The following DRGX variants were observed in gnomAD, a reference collection of about 807,000 sequenced individuals.
DRGX encodes the protein dorsal root ganglia homeobox.
In DRGX, 21 loss-of-function variants were observed where a neutral mutation model predicts 28.6. That is an observed-to-expected ratio of 0.73 (90% CI 0.52 to 1.06). The LOEUF is 1.06. Ranked by LOEUF, DRGX falls within the 50% of genes least tolerant of loss-of-function variation. The probability of loss-of-function intolerance (pLI) is 0.00; values close to 1 mark genes in which losing one functional copy is unlikely to be tolerated. For missense variants in DRGX, 354 were observed against 343.9 expected, an observed-to-expected ratio of 1.03 and a Z score of -0.23; for synonymous variants, 136 against 139.1, an observed-to-expected ratio of 0.98 and a Z score of 0.16.
At position 49,366,144 on chromosome 10, in the gene DRGX, T is replaced by A; in HGVS notation, c.764A>T (p.Glu255Val). 1 of 1,607,630 alleles carries A rather than the reference T, an allele frequency of 6.2e-7. No individual in the cohort carries two copies. The highest frequency in any genetic ancestry group is 8.5e-7 in the Non-Finnish European group (1 of 1,176,282). ...GSQEKTSPTK[E>V]QSEAEKSV ...TACACTCTTCTCTGCCTCGCTCTGT[T>A]CCTTGGTGGGAGAGGTCTTTTCCTG... is the stretch of plus-strand genomic sequence containing the variant. The change falls in exon 7 of 7, where the codon GAA becomes GTA. Residue 255 changes from glutamate to valine, a missense_variant. By Grantham distance (121) the Glu-to-Val change is moderately radical. Transcript: ENST00000374139.
chr10:49,378,349 T>A lies in DRGX; in HGVS notation c.526+8129A>T, dbSNP rs190556236. On this transcript the variant is annotated intron_variant, in intron 6 of 6. Transcript: ENST00000374139. ...GTCACACACACCACATATTGCACGA[T>A]TCCATTCACATGAGATGTCCACAGT... is the stretch of plus-strand genomic sequence containing the variant. 1.0e-3 allele frequency among the ~76,000 whole-genome samples: 155 copies of A among 152,304 alleles called. 1 individual carries two copies. Among genetic ancestry groups the A allele is most frequent in the African/African-American group, 3.5e-3 (144 of 41,572 alleles).
chr10:49,389,177 T>C (rs1169731227), intron 4 of DRGX, among the ~76,000 whole-genome samples: 1 of 152,180 alleles, frequency 6.6e-6, no homozygotes, highest in Non-Finnish European at 1.5e-5. Context: ...ATGTTCAGAT[T>C]TAATAATCAG....
chr10:49,382,258 G>A (rs941419350), intron 6 of DRGX, among the ~76,000 whole-genome samples: 6 of 152,300 alleles, frequency 3.9e-5, no homozygotes, highest in Non-Finnish European at 7.4e-5. Flanking sequence ...TCCCAAGGGG[G>A]AGACCCACCA....
Position 49,366,829 on chromosome 10 carries a change from A to G in DRGX, c.527-448T>C, listed in dbSNP as rs118057142. Among the ~76,000 whole-genome samples the G allele has an allele frequency of 1.7e-3, 252 of 152,370 alleles. 6 individuals carry two copies. The East Asian group carries it at 0.046, about 28-fold the overall frequency. On this transcript the variant is annotated intron_variant, in intron 6 of 6. Transcript: ENST00000374139. Reference sequence around the variant, plus strand: ...GGAAGGAAACCCAGCCACACATGTCAGGTGCCGGGCAAGCTGCTGGCTGCA... The same window carrying G: ...GGAAGGAAACCCAGCCACACATGTCGGGTGCCGGGCAAGCTGCTGGCTGCA...
At position 49,388,524 on chromosome 10, in the gene DRGX, T is replaced by C. The variant is rs1590370053; in HGVS notation, c.234+1609A>G. ...GCACATATCAGCAACCATTGAATAA[T>C]GATTTTATCTATATTCTAAATTTAG... is the stretch of plus-strand genomic sequence containing the variant. On this transcript the variant is annotated intron_variant, in intron 4 of 6. Coordinates refer to ENST00000374139, the MANE Select transcript of DRGX (RefSeq NM_001276451.2). Among the ~76,000 whole-genome samples the C allele has an allele frequency of 2.0e-5, 3 of 152,390 alleles. No individual in the cohort carries two copies. The Middle Eastern group carries it at 0.01, about 518-fold the overall frequency.
At chr10:49,385,372 A>G (rs1238222337) in intron 6 of DRGX, among the ~76,000 whole-genome samples, 1 of 152,110 alleles carries the variant, frequency 6.6e-6, no homozygotes, top group East Asian at 1.9e-4. Context: ...AGGGCCATCA[A>G]GCTCTGGCCC....
chr10:49,391,290 C>T (rs1849901814), intron 2 of DRGX, 29 bp from the exon 3 acceptor site: 2 of 1,597,756 alleles, frequency 1.3e-6, no homozygotes, highest in Admixed American at 1.7e-5. Flanking sequence ...TCAACCTGGG[C>T]AGGAAGGGGC....
rs1285611643 is a variant in DRGX, at chr10:49,364,594, C to G, written c.*1522G>C. On this transcript the variant is annotated 3_prime_UTR_variant, in exon 7 of 7. Transcript: ENST00000374139. ...ATTCGTAATTACAGGGAAACGGAAGCAACTTTGCCGCTTTTTGGCAAATCG... is the reference window on the plus strand; with the variant it reads ...ATTCGTAATTACAGGGAAACGGAAGGAACTTTGCCGCTTTTTGGCAAATCG... The G allele has an allele frequency of 1.3e-5, 2 of 152,196 alleles. No homozygotes were observed. Among genetic ancestry groups the G allele is most frequent in the Admixed American group, 1.3e-4 (2 of 15,284 alleles). 9.4% of individuals were successfully genotyped at this position (152,196 alleles called of 1,614,324 possible).
intron 4 of DRGX, among the ~76,000 whole-genome samples, chr10:49,387,937 G>A (rs1191523619): frequency 6.6e-6 from 1 of 152,168 alleles, no homozygotes; most frequent in Admixed American, 6.5e-5. Context: ...AACTGTTTGG[G>A]GGTAATAACT....
At chr10:49,371,721 G>T (rs541721113) in intron 6 of DRGX, among the ~76,000 whole-genome samples, 1 of 150,758 alleles carries the variant, frequency 6.6e-6, no homozygotes, top group Admixed American at 6.6e-5. Flanking sequence ...GAACCCGGGA[G>T]GTGGAGGTTG....
chr10:49,380,902 C>T (rs1472589345), intron 6 of DRGX, among the ~76,000 whole-genome samples: 3 of 152,190 alleles, frequency 2.0e-5, no homozygotes, highest in Admixed American at 1.3e-4. Context: ...TGTCGCTTCC[C>T]ACATGCTACC....
chr10:49,369,910 T>C (rs79785176), intron 6 of DRGX, among the ~76,000 whole-genome samples: 5,331 of 152,060 alleles, frequency 0.035, 254 homozygotes, highest in African/African-American at 0.11. Flanking sequence ...CCCCTTGAGC[T>C]GCCAAACACT....
chr10:49,386,783 C>G lies in DRGX; in HGVS notation c.310G>C (p.Glu104Gln), dbSNP rs202188185. The G allele has an allele frequency of 6.2e-6, 10 of 1,609,744 alleles. No individual in the cohort carries two copies. The highest frequency in any genetic ancestry group is 7.6e-6 in the Non-Finnish European group (9 of 1,178,092). Residue 104 changes from glutamate (E) to glutamine (Q), a missense_variant, in exon 5 of 7, where the codon GAG (glutamate) becomes CAG (glutamine). Physicochemically the swap from Glu to Gln is conservative, Grantham distance 29. Coordinates refer to ENST00000374139, the MANE Select transcript of DRGX (RefSeq NM_001276451.2). ...GASDQEPGAK[E>Q]PMAEVTPPPV... ...GGAGGTGTCACCTCTGCCATGGGCT[C>G]CTTGGCTCCTGGCTCCTGGTCTGAG...
intron 6 of DRGX, among the ~76,000 whole-genome samples, chr10:49,374,139 G>C (rs538906955): frequency 2.4e-4 from 36 of 152,078 alleles, no homozygotes; most frequent in South Asian, 1.2e-3. Flanking sequence ...CTCATAGAAA[G>C]GGTAATCTCC....
intron 4 of DRGX, 45 bp downstream of exon 4, chr10:49,390,088 C>G (rs780018452): frequency 4.6e-5 from 71 of 1,535,810 alleles, no homozygotes; most frequent in Non-Finnish European, 5.7e-5. Context: ...AAAAAGTTTG[C>G]CAGTTTTAAT....
At chr10:49,369,345 A>G (rs1360305705) in intron 6 of DRGX, among the ~76,000 whole-genome samples, 1 of 152,220 alleles carries the variant, frequency 6.6e-6, no homozygotes, top group Non-Finnish European at 1.5e-5. Flanking sequence ...TGGGAAACTG[A>G]GGACCAAGTG....
At chr10:49,374,257 A>C (rs933588924) in intron 6 of DRGX, among the ~76,000 whole-genome samples, 6 of 152,172 alleles carry the variant, frequency 3.9e-5, no homozygotes, top group African/African-American at 1.2e-4. Flanking sequence ...TGTCTTCATC[A>C]CCCAGTGAAG....
Position 49,395,498 on chromosome 10 carries a change from C to T in DRGX, c.-58G>A, listed in dbSNP as rs977575706. On this transcript the variant is annotated 5_prime_UTR_variant, in exon 2 of 7. Coordinates refer to ENST00000374139, the MANE Select transcript of DRGX (RefSeq NM_001276451.2). ...CCTGGGAGGGTGGCAGCAGAACGGA[C>T]CCGCGCGCGTTGCTCCTGCCTGGCT... is the stretch of plus-strand genomic sequence containing the variant. The T allele has an allele frequency of 3.9e-5, 60 of 1,539,416 alleles. No individual in the cohort carries two copies. In the East Asian group the frequency reaches 1.2e-3, roughly 30 times the overall value.
intron 6 of DRGX, among the ~76,000 whole-genome samples, chr10:49,381,682 C>T (rs995573430): frequency 6.6e-6 from 1 of 152,220 alleles, no homozygotes; most frequent in African/African-American, 2.4e-5. Context: ...CAGGTCTTGC[C>T]CTGGGGCATT....
Sources: allele counts gnomAD v4.1 joint callset (sites outside exome capture counted in the v4.1 genomes callset), GRCh38; gene constraint gnomAD v4.1.1; transcripts MANE v1.5; gene names NCBI Gene and HGNC (gene_info 2026-07-23, HGNC 2026-07-21).